Variants in MAP4K1 observed in about 807,000 individuals in gnomAD.
MAP4K1 encodes MAPK/ERK kinase kinase kinase 1.
Under a neutral mutation model 122.8 loss-of-function variants are expected in MAP4K1, and 35 were observed. The ratio of observed to expected loss-of-function variants is 0.29; its 90% confidence interval spans 0.22 to 0.38. MAP4K1 has a LOEUF of 0.38. Ranked by LOEUF, MAP4K1 falls within the 10% of genes least tolerant of loss-of-function variation. The pLI is 1.00. For missense variants in MAP4K1, 791 were observed against 1,072.6 expected (o/e 0.74, Z 3.67); for synonymous variants, 412 against 421.3 (o/e 0.98, Z 0.27).
chr19:38,598,109 C>A (rs1008174188), intron 22 of MAP4K1, among the ~76,000 whole-genome samples: 2 of 152,062 alleles, frequency 1.3e-5, no homozygotes, highest in African/African-American at 2.4e-5. Context: ...TGGCTCACTG[C>A]AGCCTCTGCC....
Position 38,597,402 on chromosome 19 carries a change from G to A in MAP4K1, c.1779-18C>T. ...TGTTCTTCCTGGAGAATAGGTAGGT[G>A]TGAAGGGGGGTAGGACAGCAGGAGG... On this transcript the variant is annotated intron_variant, in intron 23 of 30. Transcript: ENST00000396857. This position sits in a 1 kb window ranked among gnomAD's most constrained non-coding sequence, Gnocchi z 4.6. 1 of 1,613,990 alleles carries A rather than the reference G, an allele frequency of 6.2e-7. No individual in the cohort carries two copies. The highest frequency in any genetic ancestry group is 8.5e-7 in the Non-Finnish European group (1 of 1,179,980).
Position 38,608,101 on chromosome 19 carries a change from C to G in MAP4K1, c.1065+11G>C. On this transcript the variant is annotated intron_variant, in intron 14 of 30. Coordinates refer to ENST00000396857, the MANE Select transcript of MAP4K1 (RefSeq NM_001042600.3). ...GGCGGTGTGGTGGGGAGTGGGGGGA[C>G]AGCATCTCACGGTGTTGGCTGGGGG... The G allele has an allele frequency of 6.5e-7, 1 of 1,545,736 alleles. No homozygotes were observed. Among genetic ancestry groups the G allele is most frequent in the Non-Finnish European group, 8.7e-7 (1 of 1,147,222 alleles).
chr19:38,616,276 G>A lies in MAP4K1; in HGVS notation c.249-17C>T. The A allele has an allele frequency of 2.5e-6, 4 of 1,601,788 alleles. No homozygotes were observed. Among genetic ancestry groups the A allele is most frequent in the Admixed American group, 1.7e-5 (1 of 58,448 alleles). ...TTCTGCAACCTGCAGTGGTTCAAGAGTAAGAATAATAATAGCAGTAAATAC... is the reference window on the plus strand; with the variant it reads ...TTCTGCAACCTGCAGTGGTTCAAGAATAAGAATAATAATAGCAGTAAATAC... On this transcript the variant is annotated splice_polypyrimidine_tract_variant and intron_variant, in intron 3 of 30. Transcript: ENST00000396857.
rs747660050 is a variant in MAP4K1 at position 38,611,211 on chromosome 19, C to G, written c.728+32G>C. ...GGCCACCCAGCCCCAGCCCTGCCCT[C>G]TCTCACCCTCCCTCCTGTTACTCTC... On this transcript the variant is annotated intron_variant, in intron 10 of 30. Coordinates refer to ENST00000396857, the MANE Select transcript of MAP4K1 (RefSeq NM_001042600.3). 1.8e-5 allele frequency: 29 copies of G among 1,608,478 alleles called. No homozygotes were observed. The South Asian group carries it at 3.2e-4, about 18-fold the overall frequency.
At chr19:38,589,300 C>A in intron 30 of MAP4K1, 1 of 267,074 alleles carries the variant, frequency 3.7e-6, no homozygotes, top group South Asian at 3.1e-5. Context: ...GAGACTCTGA[C>A]TCAAAACAAC....
intron 17 of MAP4K1, 72 bp from the exon 18 acceptor site, chr19:38,605,802 A>G: frequency 7.0e-7 from 1 of 1,433,360 alleles, no homozygotes; most frequent in Non-Finnish European, 9.4e-7. Flanking sequence ...TTGCAACTCA[A>G]GTCCCTGCCT....
intron 19 of MAP4K1, among the ~76,000 whole-genome samples, chr19:38,604,518 C>T (rs1358013651): frequency 1.3e-5 from 2 of 152,184 alleles, no homozygotes; most frequent in Non-Finnish European, 2.9e-5. Context: ...TAGCTGGGCG[C>T]GGTGGCTCAT....
intron 19 of MAP4K1, 38 bp from the exon 20 acceptor site, chr19:38,601,563 CA>C: frequency 1.3e-6 from 2 of 1,507,978 alleles, no homozygotes; most frequent in East Asian, 2.3e-5. Flanking sequence ...GCAGATCCGG[CA>C]AAGAGAGCAG....
chr19:38,605,831 G>A (rs1316282326), intron 17 of MAP4K1, 101 bp from the exon 18 acceptor site: 5 of 1,215,008 alleles, frequency 4.1e-6, no homozygotes, highest in Non-Finnish European at 5.7e-6. Context: ...ACTAACAGCT[G>A]TGGCTCTGAC....
rs186915678 is a variant in MAP4K1 at position 38,588,222 on chromosome 19, G to A, written c.2397-405C>T. On this transcript the variant is annotated intron_variant, in intron 30 of 30. Coordinates refer to ENST00000396857, the MANE Select transcript of MAP4K1 (RefSeq NM_001042600.3). Reference sequence around the variant, plus strand: ...TTGGCTGGAGATGTCATGGCCTTGTGGGCTGTGGCCAGGATTGAGTCTTTA... The same window carrying A: ...TTGGCTGGAGATGTCATGGCCTTGTAGGCTGTGGCCAGGATTGAGTCTTTA... 5.3e-5 allele frequency among the ~76,000 whole-genome samples: 8 copies of A among 152,244 alleles called. No individual in the cohort carries two copies. In the East Asian group the frequency reaches 1.5e-3, roughly 29 times the overall value.
chr19:38,602,399 CAT>C (rs747608644), intron 19 of MAP4K1, among the ~76,000 whole-genome samples: 8 of 148,142 alleles, frequency 5.4e-5, no homozygotes, highest in South Asian at 2.2e-4. Context: ...TACACATATA[CAT>C]ATATATATAG....
Position 38,599,839 on chromosome 19 carries a change from T to C in MAP4K1, c.1669+86A>G, listed in dbSNP as rs1339180587. 2.3e-6 allele frequency: 3 copies of C among 1,308,902 alleles called. No individual in the cohort carries two copies. The South Asian group carries it at 3.6e-5, about 16-fold the overall frequency. 81.1% of individuals were successfully genotyped at this position (1,308,902 alleles called of 1,614,324 possible). A position where few individuals can be genotyped will look rare whatever the true frequency, so the allele number is the denominator to read the frequency against. On this transcript the variant is annotated intron_variant, in intron 22 of 30. Transcript: ENST00000396857. ...GTGACCAAGCAGTCTAAGTTTTTTT[T>C]CAGCTGTGCCCGTCTACTTCCCAGC...
rs1383481713 is a variant in MAP4K1, at chr19:38,605,601, A to G, written c.1330T>C (p.Ser444Pro). The G allele has an allele frequency of 6.4e-7, 1 of 1,553,620 alleles. No homozygotes were observed. The highest frequency in any genetic ancestry group is 1.4e-5 in the African/African-American group (1 of 72,534). Residue 444 changes from serine to proline, a missense_variant, in exon 18 of 31, where the codon TCC becomes CCC. Coordinates refer to ENST00000396857, the MANE Select transcript of MAP4K1 (RefSeq NM_001042600.3). ...PNSPRPGPPP[S>P]TSSPHLTAHS... Reference sequence around the variant, plus strand: ...GCGGTGAGGTGGGGGCTGCTGGTGGATGGGGGAGGCCCAGGACGGGGGCTG... The same window carrying G: ...GCGGTGAGGTGGGGGCTGCTGGTGGGTGGGGGAGGCCCAGGACGGGGGCTG...
rs759528629 is a variant in MAP4K1, at chr19:38,612,685, G to A, written c.591C>T (p.Asp197=). ...TGGCCGTGATGCCCAGGGACCAGATGTCACACAGCTCATTGTATCCTCCCT... is the reference window on the plus strand; with the variant it reads ...TGGCCGTGATGCCCAGGGACCAGATATCACACAGCTCATTGTATCCTCCCT... The part of the protein sequence containing the change: ...ALKGGYNELC[D]IWSLGITAIE... The change falls in exon 9 of 31, where the codon GAC becomes GAT. Residue 197 remains aspartate (D), a synonymous_variant. Coordinates refer to ENST00000396857, the MANE Select transcript of MAP4K1 (RefSeq NM_001042600.3). The A allele has an allele frequency of 1.6e-5, 26 of 1,613,800 alleles. No homozygotes were observed. Among genetic ancestry groups the A allele is most frequent in the Non-Finnish European group, 2.0e-5 (24 of 1,179,966 alleles).
chr19:38,608,016 A>G lies in MAP4K1; in HGVS notation c.1083T>C (p.Pro361=). 1 of 1,607,230 alleles carries G rather than the reference A, an allele frequency of 6.2e-7. No homozygotes were observed. The highest frequency in any genetic ancestry group is 8.5e-7 in the Non-Finnish European group (1 of 1,176,036). ...TGGGGCTGCTGCTCCTGAGGTCTCG[A>G]GGAGGCTGTAGGCGAGCCTGTGGGG... ...PPANTARLQP[P]RDLRSSSPRK... Residue 361 remains proline (P), a synonymous_variant, in exon 15 of 31, where the codon CCT becomes CCC. Coordinates refer to ENST00000396857, the MANE Select transcript of MAP4K1 (RefSeq NM_001042600.3).
chr19:38,601,561 G>A (rs367989286), intron 19 of MAP4K1, 36 bp from the exon 20 acceptor site: 65 of 1,515,516 alleles, frequency 4.3e-5, no homozygotes, highest in African/African-American at 1.9e-4. Flanking sequence ...CAGCAGATCC[G>A]GCAAAGAGAG....
At chr19:38,590,438 A>ATATATATAG (rs1421697310) in intron 30 of MAP4K1, among the ~76,000 whole-genome samples, 11 of 90,708 alleles carry the variant, frequency 1.2e-4, no homozygotes, top group Admixed American at 2.6e-4. Context: ...TATATATATA[A>ATATATATAG]TCACGGGCGT....
At chr19:38,610,516 G>T (rs1975467181) in intron 11 of MAP4K1, among the ~76,000 whole-genome samples, 1 of 150,586 alleles carries the variant, frequency 6.6e-6, no homozygotes, top group African/African-American at 2.4e-5. Context: ...CTCCCAAGTA[G>T]CTGGGATTAC....
intron 30 of MAP4K1, among the ~76,000 whole-genome samples, chr19:38,589,873 T>TA (rs1474764331): frequency 6.6e-6 from 1 of 151,704 alleles, no homozygotes; most frequent in African/African-American, 2.4e-5. Flanking sequence ...GTACAAAAAA[T>TA]ACGAAAATAA....
Sources: gnomAD v4.1 joint callset for allele counts (sites outside exome capture counted in the v4.1 genomes callset) on GRCh38, gnomAD v4.1.1 for gene constraint, Gnocchi (gnomAD v3.1) non-coding constraint, MANE v1.5 for transcripts, NCBI Gene and HGNC (gene_info 2026-07-23, HGNC 2026-07-21) for gene names.